Variants in INTS6 observed in about 807,000 individuals in gnomAD.
INTS6 encodes integrator complex subunit 6.
In INTS6, 16 loss-of-function variants were observed where a neutral mutation model predicts 104.9. The ratio of observed to expected loss-of-function variants is 0.15; its 90% CI spans 0.10 to 0.23. INTS6 has a LOEUF of 0.23. Ranked by LOEUF, INTS6 falls within the 10% of genes least tolerant of loss-of-function variation. The pLI, the probability that INTS6 is intolerant of heterozygous loss-of-function variation, is 1.00. For synonymous variants in INTS6, 324 were observed against 358.7 expected (o/e 0.90, Z 1.09); for missense variants, 584 against 1,062.8 (o/e 0.55, Z 6.26).
At chr13:51,450,457 C>G in intron 3 of INTS6, 2 of 985,324 alleles carry the variant, frequency 2.0e-6, no homozygotes, top group Non-Finnish European at 2.4e-6. Flanking sequence ...AAACTCTGGG[C>G]CTGAAATTTA....
chr13:51,395,539 A>C (rs1956319518), intron 4 of INTS6, 56 bp from the exon 5 acceptor site: 1 of 1,486,874 alleles, frequency 6.7e-7, no homozygotes, highest in Non-Finnish European at 9.1e-7. Flanking sequence ...TTTTTCAAAA[A>C]GCCTACTTTA....
chr13:51,378,546 A>AT (rs1955980796), intron 11 of INTS6, 92 bp from the exon 12 acceptor site: 1 of 684,346 alleles, frequency 1.5e-6, no homozygotes, highest in South Asian at 3.8e-5. Flanking sequence ...TTAAATATAT[A>AT]TTTTTTAAGT....
Position 51,452,105 on chromosome 13 carries a change from G to A in INTS6, c.112-50C>T, listed in dbSNP as rs1247063597. On this transcript the variant is annotated intron_variant, in intron 1 of 17. Coordinates refer to ENST00000311234, the MANE Select transcript of INTS6 (RefSeq NM_012141.3). This position sits in a 1 kb window ranked among gnomAD's most constrained non-coding sequence, Gnocchi z 4.2. ...GCGGGCGACAGGGAAGCACAGAGGC[G>A]AGGTTACGAGGCGGAGAAGGGGCGC... is the stretch of plus-strand genomic sequence containing the variant. 6.4e-7 allele frequency: 1 copy of A among 1,553,806 alleles called. No individual in the cohort carries two copies. The highest frequency in any genetic ancestry group is 2.3e-5 in the East Asian group (1 of 44,328).
Position 51,451,155 on chromosome 13 carries a change from T to C in INTS6, c.209A>G (p.His70Arg). 1 of 1,563,692 alleles carries C rather than the reference T, an allele frequency of 6.4e-7. No homozygotes were observed. Among genetic ancestry groups the C allele is most frequent in the Non-Finnish European group, 8.6e-7 (1 of 1,161,980 alleles). ...YAIKAGWKENHATFMNELKNL... is the reference protein window; with the variant it reads ...YAIKAGWKENRATFMNELKNL... ...TTTCAATTCATTCATAAACGTTGCATGGTTTTCTTTCCATCCAGCCTGAAA... is the reference window on the plus strand; with the variant it reads ...TTTCAATTCATTCATAAACGTTGCACGGTTTTCTTTCCATCCAGCCTGAAA... The change falls in exon 3 of 18, where the codon CAT becomes CGT. Residue 70 changes from histidine to arginine, a missense_variant. This residue lies in a region of INTS6 where 70 missense variants were observed against 190.3 expected (regional missense o/e 0.37). Coordinates refer to ENST00000311234, the MANE Select transcript of INTS6 (RefSeq NM_012141.3).
At chr13:51,367,130 A>G (rs1955708001) in intron 17 of INTS6, among the ~76,000 whole-genome samples, 1 of 152,032 alleles carries the variant, frequency 6.6e-6, no homozygotes, top group African/African-American at 2.4e-5. Flanking sequence ...TAACCTATGT[A>G]CATTCTCCCA....
At chr13:51,410,614 A>C (rs1278687026) in intron 4 of INTS6, among the ~76,000 whole-genome samples, 1 of 152,218 alleles carries the variant, frequency 6.6e-6, no homozygotes, top group East Asian at 1.9e-4. Context: ...CCTTGGAGAA[A>C]ATACAGGAGA....
intron 4 of INTS6, among the ~76,000 whole-genome samples, chr13:51,412,088 A>C (rs901940125): frequency 7.9e-5 from 12 of 152,208 alleles, no homozygotes; most frequent in African/African-American, 2.9e-4. Context: ...TCCACTGTAT[A>C]ATTCCAAATT....
At chr13:51,366,811 G>A (rs548343556) in intron 17 of INTS6, among the ~76,000 whole-genome samples, 4 of 152,038 alleles carry the variant, frequency 2.6e-5, no homozygotes, top group Non-Finnish European at 5.9e-5. Flanking sequence ...TTCATGTGTA[G>A]CATAGAAGAG....
At chr13:51,379,953 T>G (rs1956013582) in intron 10 of INTS6, among the ~76,000 whole-genome samples, 1 of 152,010 alleles carries the variant, frequency 6.6e-6, no homozygotes, top group African/African-American at 2.4e-5. Flanking sequence ...TTTGAGTAAT[T>G]AGCTGCTCAA....
At position 51,374,355 on chromosome 13, in the gene INTS6, T is replaced by C. The variant is rs369348837; in HGVS notation, c.1957A>G (p.Ile653Val). 20 of 1,614,004 alleles carry C rather than the reference T, an allele frequency of 1.2e-5. No homozygotes were observed. The highest frequency in any genetic ancestry group is 1.6e-5 in the Non-Finnish European group (19 of 1,179,998). ...GACATACACCGACGTCTTTTAGGGATCCCTTGCATATTTGGTTCTCCGGGT... is the reference window on the plus strand; with the variant it reads ...GACATACACCGACGTCTTTTAGGGACCCCTTGCATATTTGGTTCTCCGGGT... ...KRPGEPNMQG[I>V]PKRRRCMSPL... The change falls in exon 15 of 18, where the codon ATC (isoleucine) becomes GTC (valine). Residue 653 changes from isoleucine to valine, a missense_variant. Physicochemically the swap from Ile to Val is conservative, Grantham distance 29. Coordinates refer to ENST00000311234, the MANE Select transcript of INTS6 (RefSeq NM_012141.3).
At position 51,452,551 on chromosome 13, in the gene INTS6, C is replaced by CGAGGTGGTGGAGAAAGAG. The variant is rs780818285; in HGVS notation, c.-44_-27dup. ...AGTGCTGGCCGGGGACACCGGGGCCCGAGGTGGTGGAGAAAGAGGAGATGG... is the reference window on the plus strand; with the variant it reads ...AGTGCTGGCCGGGGACACCGGGGCCCGAGGTGGTGGAGAAAGAGGAGGTGGTGGAGAAAGAGGAGATGG... On this transcript the variant is annotated 5_prime_UTR_variant, in exon 1 of 18. Transcript: ENST00000311234. The surrounding 1 kb of genome is among the most constrained non-coding windows in gnomAD (Gnocchi z 4.2). 10 of 1,606,600 alleles carry CGAGGTGGTGGAGAAAGAG rather than the reference C, an allele frequency of 6.2e-6. No individual in the cohort carries two copies. The South Asian group carries it at 1.1e-4, about 18-fold the overall frequency.
Position 51,361,786 on chromosome 13 carries a change from G to A in INTS6, c.*3966C>T. ...CTTAAAAATGCACAGAAAATGCAATGGAATTTTTCTTTCTTTCCTGCAGCT... is the reference window on the plus strand; with the variant it reads ...CTTAAAAATGCACAGAAAATGCAATAGAATTTTTCTTTCTTTCCTGCAGCT... On this transcript the variant is annotated 3_prime_UTR_variant, in exon 18 of 18. Coordinates refer to ENST00000311234, the MANE Select transcript of INTS6 (RefSeq NM_012141.3). 1 of 1,565,720 alleles carries A rather than the reference G, an allele frequency of 6.4e-7. No individual in the cohort carries two copies. Among genetic ancestry groups the A allele is most frequent in the Non-Finnish European group, 8.6e-7 (1 of 1,161,456 alleles).
intron 9 of INTS6, 56 bp downstream of exon 9, chr13:51,383,273 G>A (rs375178426): frequency 6.2e-6 from 9 of 1,448,986 alleles, no homozygotes; most frequent in South Asian, 2.9e-5. Flanking sequence ...AAAGAAATGC[G>A]CTTTAGGAGA....
chr13:51,396,448 A>G (rs964974679), intron 4 of INTS6, among the ~76,000 whole-genome samples: 2 of 152,292 alleles, frequency 1.3e-5, no homozygotes, highest in South Asian at 4.1e-4. Flanking sequence ...AGCATCTTAA[A>G]AAGTTTTAAA....
At chr13:51,409,899 A>T (rs989691928) in intron 4 of INTS6, among the ~76,000 whole-genome samples, 1 of 152,220 alleles carries the variant, frequency 6.6e-6, no homozygotes, top group Non-Finnish European at 1.5e-5. Flanking sequence ...GGTAACAAGA[A>T]AATTTAGAAA....
In INTS6 at chr13:51,452,463, G is replaced by T; in HGVS notation, c.63C>A (p.Gly21=). 1 of 1,612,228 alleles carries T rather than the reference G, an allele frequency of 6.2e-7. No homozygotes were observed. Among genetic ancestry groups the T allele is most frequent in the Non-Finnish European group, 8.5e-7 (1 of 1,178,890 alleles). Residue 21 remains glycine, a synonymous_variant, in exon 1 of 18, where the codon GGC becomes GGA. Coordinates refer to ENST00000311234, the MANE Select transcript of INTS6 (RefSeq NM_012141.3). The surrounding 1 kb of genome is among the most constrained non-coding windows in gnomAD (Gnocchi z 4.2). ...SASMNQRSHL[G]TTYLDTAKGA... ...CTTTGGCCGTGTCCAGGTAGGTGGTGCCCAGATGGCTGCGCTGGTTCATAG... is the reference window on the plus strand; with the variant it reads ...CTTTGGCCGTGTCCAGGTAGGTGGTTCCCAGATGGCTGCGCTGGTTCATAG...
chr13:51,392,355 T>C (rs979280816), intron 5 of INTS6, among the ~76,000 whole-genome samples: 1 of 152,180 alleles, frequency 6.6e-6, no homozygotes, highest in African/African-American at 2.4e-5. Context: ...CATGCCAGCC[T>C]TCCTGTTGCT....
chr13:51,364,456 G>A lies in INTS6; in HGVS notation c.*1296C>T, dbSNP rs1018880821. ...TTTTTAAATGTTATAAGTTTATTTT[G>A]CCTACTCTTAATCCAAATCTATTTT... On this transcript the variant is annotated 3_prime_UTR_variant, in exon 18 of 18. Transcript: ENST00000311234. 5 of 501,978 alleles carry A rather than the reference G, an allele frequency of 1.0e-5. No homozygotes were observed. Among genetic ancestry groups the A allele is most frequent in the African/African-American group, 7.9e-5 (4 of 50,328 alleles). The allele number at this position is 501,978 out of a possible 1,614,324, so 31.1% of individuals were successfully genotyped here.
downstream of INTS6, among the ~76,000 whole-genome samples, chr13:51,358,528 A>G (rs949323933): frequency 1.2e-4 from 18 of 152,284 alleles, no homozygotes; most frequent in African/African-American, 4.1e-4. Flanking sequence ...ACAAACACCA[A>G]TCAGCATTTC....
Sources: gnomAD v4.1 joint callset for allele counts (sites outside exome capture counted in the v4.1 genomes callset) on GRCh38, gnomAD v4.1.1 for gene constraint, gnomAD v4.1.1 regional missense constraint, Gnocchi (gnomAD v3.1) non-coding constraint, MANE v1.5 for transcripts, NCBI Gene and HGNC (gene_info 2026-07-23, HGNC 2026-07-21) for gene names.